Variants in TMEM131L observed in about 807,000 individuals in gnomAD.
The protein encoded by TMEM131L is transmembrane 131 like.
A neutral mutation model predicts 192.2 loss-of-function variants in TMEM131L; 54 were observed. The ratio of observed to expected loss-of-function variants is 0.28; its 90% CI spans 0.23 to 0.35. The LOEUF is 0.35. TMEM131L is among the 10% of genes least tolerant of loss of function. The probability of loss-of-function intolerance (pLI) is 1.00; values close to 1 mark genes in which losing one functional copy is unlikely to be tolerated. For synonymous variants in TMEM131L, 701 were observed against 704.9 expected, an observed-to-expected ratio of 0.99 and a Z score of 0.09; for missense variants, 1,888 against 1,972.9, an observed-to-expected ratio of 0.96 and a Z score of 0.82.
At chr4:153,619,120 C>T (rs959872902) in intron 26 of TMEM131L, among the ~76,000 whole-genome samples, 1 of 152,164 alleles carries the variant, frequency 6.6e-6, no homozygotes, top group African/African-American at 2.4e-5. Flanking sequence ...ATGACAGTTC[C>T]AACCAGATGG....
At chr4:153,572,219 A>G (rs886142250) in intron 7 of TMEM131L, among the ~76,000 whole-genome samples, 5 of 152,276 alleles carry the variant, frequency 3.3e-5, no homozygotes, top group African/African-American at 1.2e-4. Context: ...TTCTGGCTTT[A>G]TTGTAGTCAA....
At chr4:153,615,017 G>T (rs1470520379) in intron 26 of TMEM131L, among the ~76,000 whole-genome samples, 1 of 152,150 alleles carries the variant, frequency 6.6e-6, no homozygotes, top group Non-Finnish European at 1.5e-5. Flanking sequence ...TCATTTTTAT[G>T]TCTGTCAAAG....
At chr4:153,579,927 A>T (rs944545258) in intron 7 of TMEM131L, among the ~76,000 whole-genome samples, 36 of 152,328 alleles carry the variant, frequency 2.4e-4, no homozygotes, top group Middle Eastern at 3.4e-3. Context: ...GGGTTTTTAA[A>T]TAGGTACTCC....
intron 3 of TMEM131L, among the ~76,000 whole-genome samples, chr4:153,477,151 T>C (rs968518367): frequency 6.6e-6 from 1 of 152,014 alleles, no homozygotes; most frequent in Non-Finnish European, 1.5e-5. Flanking sequence ...AGAGAAATCA[T>C]GGAGAGAGAG....
At chr4:153,564,841 C>G (rs1034980009) in intron 7 of TMEM131L, among the ~76,000 whole-genome samples, 1 of 152,216 alleles carries the variant, frequency 6.6e-6, no homozygotes, top group Non-Finnish European at 1.5e-5. Context: ...AAAGTCCAAG[C>G]TCCTTTGCTT....
At chr4:153,564,766 T>C (rs961063279) in intron 7 of TMEM131L, among the ~76,000 whole-genome samples, 1 of 152,212 alleles carries the variant, frequency 6.6e-6, no homozygotes, top group African/African-American at 2.4e-5. Flanking sequence ...GATGTCATGT[T>C]ACACAAAACT....
chr4:153,488,672 G>A (rs1392777258), intron 3 of TMEM131L, among the ~76,000 whole-genome samples: 1 of 152,194 alleles, frequency 6.6e-6, no homozygotes, highest in Non-Finnish European at 1.5e-5. Flanking sequence ...CAAGTGTGGT[G>A]TATTAATTTC....
intron 17 of TMEM131L, 143 bp downstream of exon 17, chr4:153,591,337 C>A (rs1731053773): frequency 6.2e-6 from 4 of 646,046 alleles, no homozygotes; most frequent in Non-Finnish European, 9.8e-6. Flanking sequence ...AGCAGTAAAA[C>A]TCTAAACAGA....
At chr4:153,579,433 A>G (rs549904106) in intron 7 of TMEM131L, among the ~76,000 whole-genome samples, 2 of 152,106 alleles carry the variant, frequency 1.3e-5, no homozygotes, top group South Asian at 2.1e-4. Context: ...TTTCTTTAAA[A>G]GAGTGTTTAA....
At chr4:153,624,538 G>A (rs937602978) in intron 29 of TMEM131L, among the ~76,000 whole-genome samples, 16 of 152,254 alleles carry the variant, frequency 1.1e-4, no homozygotes, top group Non-Finnish European at 1.3e-4. Context: ...TGGTGAGATT[G>A]TGCAGTTCCT....
rs540786721 is a variant in TMEM131L at position 153,561,934 on chromosome 4, T to TAG, written c.660+3568_660+3569dup. On this transcript the variant is annotated intron_variant, in intron 7 of 34. Transcript: ENST00000409959. ...TTAATTTTTTTGGCTGGTCTTTTCTTAGAAACCAGTATTTAAAAATCTGAA... is the reference window on the plus strand; with the variant it reads ...TTAATTTTTTTGGCTGGTCTTTTCTTAGAGAAACCAGTATTTAAAAATCTGAA... 2.1e-3 allele frequency among the ~76,000 whole-genome samples: 310 copies of TAG among 150,280 alleles called. 1 individual carries two copies. Among genetic ancestry groups the TAG allele is most frequent in the African/African-American group, 7.0e-3 (285 of 40,626 alleles).
intron 7 of TMEM131L, among the ~76,000 whole-genome samples, chr4:153,559,097 T>C (rs1181306836): frequency 6.6e-6 from 1 of 152,196 alleles, no homozygotes; most frequent in Non-Finnish European, 1.5e-5. Context: ...CATTAGTACC[T>C]GGGGCTTTCA....
At chr4:153,487,216 A>T (rs1395030695) in intron 3 of TMEM131L, among the ~76,000 whole-genome samples, 1 of 152,172 alleles carries the variant, frequency 6.6e-6, no homozygotes, top group Non-Finnish European at 1.5e-5. Flanking sequence ...AAATAATGAG[A>T]GGTAGAAATA....
At position 153,494,141 on chromosome 4, in the gene TMEM131L, T is replaced by C. The variant is rs149515126; in HGVS notation, c.239+20253T>C. Among the ~76,000 whole-genome samples the C allele has an allele frequency of 9.6e-4, 146 of 152,252 alleles. 1 individual carries two copies. The highest frequency in any genetic ancestry group is 3.4e-3 in the African/African-American group (142 of 41,538). ...TAAAAGTGGGCCAGTAGTACCTATC[T>C]CGTAAGGTAAGGATCCCAGGGGTTA... On this transcript the variant is annotated intron_variant, in intron 3 of 34. Coordinates refer to ENST00000409959, the MANE Select transcript of TMEM131L (RefSeq NM_001131007.2).
At chr4:153,631,221 G>A (rs1416077399) in intron 31 of TMEM131L, among the ~76,000 whole-genome samples, 1 of 152,234 alleles carries the variant, frequency 6.6e-6, no homozygotes, top group African/African-American at 2.4e-5. Context: ...AGTGAGCCAG[G>A]CCCAGGCATT....
chr4:153,532,984 C>CTTTTTTTTTTTTTTTTTTTTTT (rs70963190), intron 3 of TMEM131L, among the ~76,000 whole-genome samples: 1 of 129,694 alleles, frequency 7.7e-6, no homozygotes, highest in African/African-American at 2.9e-5. Context: ...TTTCTCAATT[C>CTTTTTTTTTTTTTTTTTTTTTT]TTTTTTTTTT....
At chr4:153,514,794 A>G (rs1734595986) in intron 3 of TMEM131L, among the ~76,000 whole-genome samples, 1 of 152,082 alleles carries the variant, frequency 6.6e-6, no homozygotes, top group South Asian at 2.1e-4. Context: ...CCACATTCAC[A>G]TTACTTCACC....
At position 153,608,145 on chromosome 4, in the gene TMEM131L, GA is replaced by G. The variant is rs912348884; in HGVS notation, c.3418+3725del. Among the ~76,000 whole-genome samples the G allele has an allele frequency of 7.3e-3, 1,079 of 148,530 alleles. 14 individuals carry two copies. The highest frequency in any genetic ancestry group is 0.026 in the African/African-American group (1,045 of 40,600). On this transcript the variant is annotated intron_variant, in intron 25 of 34. Transcript: ENST00000409959. Reference sequence around the variant, plus strand: ...AAAAATAAAAGCAAAAACAAAAAATGAAAAAAAAAATGTGTCCCTTTTCTAC... The same window carrying G: ...AAAAATAAAAGCAAAAACAAAAAATGAAAAAAAAATGTGTCCCTTTTCTAC...
chr4:153,574,883 C>T (rs563636414), intron 7 of TMEM131L, among the ~76,000 whole-genome samples: 1 of 152,258 alleles, frequency 6.6e-6, no homozygotes, highest in Non-Finnish European at 1.5e-5. Flanking sequence ...CCACTGCGCC[C>T]GGCCGAGATT....
Sources: gnomAD v4.1 joint callset for allele counts (sites outside exome capture counted in the v4.1 genomes callset) on GRCh38, gnomAD v4.1.1 for gene constraint, MANE v1.5 for transcripts, NCBI Gene and HGNC (gene_info 2026-07-23, HGNC 2026-07-21) for gene names.